The following TMEM266 variants were observed in gnomAD, a reference collection of about 807,000 sequenced individuals.
TMEM266 encodes Hv1 related protein 1.
In TMEM266, 33 loss-of-function variants were observed where a neutral mutation model predicts 50.5. That is an observed-to-expected ratio of 0.65 (90% CI 0.50 to 0.87). The LOEUF is 0.87. Among genes scored for constraint, TMEM266 ranks in the 40% least tolerant of loss-of-function variants. TMEM266 has a pLI of 0.00. For missense variants in TMEM266, 655 were observed against 695.1 expected (o/e 0.94, Z 0.65); for synonymous variants, 310 against 292.3 (o/e 1.06, Z -0.62).
intron 9 of TMEM266, 47 bp from the exon 10 acceptor site, chr15:76,202,155 G>A: frequency 6.5e-7 from 1 of 1,527,144 alleles, no homozygotes; most frequent in Non-Finnish European, 9.0e-7. Flanking sequence ...ATAAGGGGTA[G>A]AGAATGAACT....
intron 9 of TMEM266, among the ~76,000 whole-genome samples, chr15:76,195,043 C>T (rs2038634497): frequency 6.6e-6 from 1 of 152,138 alleles, no homozygotes; most frequent in Admixed American, 6.6e-5. Flanking sequence ...ACCTTTAGTT[C>T]TGTAAATGTT....
chr15:76,084,189 C>G (rs1317245135), intron 1 of TMEM266, among the ~76,000 whole-genome samples: 3 of 152,074 alleles, frequency 2.0e-5, no homozygotes, highest in Non-Finnish European at 4.4e-5. Flanking sequence ...TGATACATGC[C>G]TATAGTCCCA....
rs779577432 is a variant in TMEM266, at chr15:76,137,703, C to A, written c.39-4C>A. On this transcript the variant is annotated splice_polypyrimidine_tract_variant and splice_region_variant and intron_variant, in intron 2 of 10. Coordinates refer to ENST00000388942, the MANE Select transcript of TMEM266 (RefSeq NM_152335.3). ...TTTCCCATTGTTCCTCCTCTCCAAC[C>A]CAGGCCTGCCATAGAAGGAGGAATT... 2.5e-6 allele frequency: 4 copies of A among 1,613,900 alleles called. No homozygotes were observed. The highest frequency in any genetic ancestry group is 2.2e-5 in the South Asian group (2 of 91,072).
At chr15:76,182,293 A>G (rs920449041) in intron 8 of TMEM266, among the ~76,000 whole-genome samples, 14 of 152,034 alleles carry the variant, frequency 9.2e-5, no homozygotes, top group African/African-American at 2.7e-4. Flanking sequence ...TGTGGATGCC[A>G]TATGCATCAA....
chr15:76,087,350 G>C (rs534891381), intron 1 of TMEM266, among the ~76,000 whole-genome samples: 1 of 152,284 alleles, frequency 6.6e-6, no homozygotes, highest in East Asian at 1.9e-4. Context: ...GAATTGATAA[G>C]GCTTAAGTGA....
chr15:76,124,281 G>A (rs1382794323), intron 1 of TMEM266, among the ~76,000 whole-genome samples: 1 of 152,226 alleles, frequency 6.6e-6, no homozygotes, highest in Admixed American at 6.5e-5. Flanking sequence ...CAACCACAGG[G>A]AAACAAGCAT....
chr15:76,179,233 T>A (rs1354016530), intron 8 of TMEM266, among the ~76,000 whole-genome samples: 2 of 152,202 alleles, frequency 1.3e-5, no homozygotes, highest in Non-Finnish European at 2.9e-5. Context: ...ATGGGACATC[T>A]ATGGGCCTTG....
intron 1 of TMEM266, among the ~76,000 whole-genome samples, chr15:76,091,961 A>T (rs1470392425): frequency 1.3e-5 from 2 of 151,948 alleles, no homozygotes; most frequent in Non-Finnish European, 2.9e-5. Flanking sequence ...ACTGCACTAC[A>T]GCCTGGCAAC....
intron 1 of TMEM266, among the ~76,000 whole-genome samples, chr15:76,068,611 T>C (rs957562312): frequency 2.6e-5 from 4 of 152,126 alleles, no homozygotes; most frequent in African/African-American, 9.7e-5. Flanking sequence ...TGTACCCTTA[T>C]AAAAAGAGGA....
At chr15:76,185,276 T>G (rs2038476628) in intron 8 of TMEM266, among the ~76,000 whole-genome samples, 1 of 152,190 alleles carries the variant, frequency 6.6e-6, no homozygotes, top group African/African-American at 2.4e-5. Flanking sequence ...TGTCTCACGT[T>G]TCTCTTAGAT....
chr15:76,142,405 T>C (rs888120707), intron 3 of TMEM266, among the ~76,000 whole-genome samples: 1 of 152,092 alleles, frequency 6.6e-6, no homozygotes, highest in Non-Finnish European at 1.5e-5. Flanking sequence ...ATAATAATAA[T>C]AATAATACCC....
In TMEM266 at chr15:76,097,604, G is replaced by A. The variant is rs4886476; in HGVS notation, c.-96-36564G>A. Among the ~76,000 whole-genome samples, 1,240 of 151,948 alleles carry A rather than the reference G, an allele frequency of 8.2e-3. 41 individuals are homozygous for A. Among genetic ancestry groups the A allele is most frequent in the Admixed American group, 0.063 (954 of 15,258 alleles). On this transcript the variant is annotated intron_variant, in intron 1 of 10. Transcript: ENST00000388942. Reference sequence around the variant, plus strand: ...GTTGCTCTTCTTGAGGAGTATCTTTGTGGTGTTCTCTGTATTTCCTGAATT... The same window carrying A: ...GTTGCTCTTCTTGAGGAGTATCTTTATGGTGTTCTCTGTATTTCCTGAATT...
At chr15:76,089,875 T>C (rs528464286) in intron 1 of TMEM266, among the ~76,000 whole-genome samples, 2 of 152,230 alleles carry the variant, frequency 1.3e-5, no homozygotes, top group Non-Finnish European at 2.9e-5. Flanking sequence ...TGAGAGGATT[T>C]GGCAACTGGT....
At chr15:76,081,395 C>T (rs1194492361) in intron 1 of TMEM266, among the ~76,000 whole-genome samples, 1 of 152,122 alleles carries the variant, frequency 6.6e-6, no homozygotes, top group Non-Finnish European at 1.5e-5. Flanking sequence ...CATAGGAGAC[C>T]CTGGAGGTCA....
chr15:76,079,518 G>C (rs1276763012), intron 1 of TMEM266, among the ~76,000 whole-genome samples: 1 of 149,942 alleles, frequency 6.7e-6, no homozygotes, highest in East Asian at 2.0e-4. Context: ...GGCTGGGCAT[G>C]GTGGCTCACG....
chr15:76,067,928 C>G (rs1022128718), intron 1 of TMEM266, among the ~76,000 whole-genome samples: 5 of 152,158 alleles, frequency 3.3e-5, no homozygotes, highest in African/African-American at 1.2e-4. Flanking sequence ...GGCCAGCTCT[C>G]CCCACCAGAG....
chr15:76,169,933 C>CA, intron 6 of TMEM266, 61 bp downstream of exon 6: 1 of 1,543,656 alleles, frequency 6.5e-7, no homozygotes, highest in Non-Finnish European at 8.9e-7. Flanking sequence ...TGGAAAACGT[C>CA]ATGTCCCATC....
intron 1 of TMEM266, among the ~76,000 whole-genome samples, chr15:76,076,185 C>T (rs910147028): frequency 2.0e-5 from 3 of 151,896 alleles, no homozygotes; most frequent in Non-Finnish European, 2.9e-5. Context: ...AGCCTTCTAA[C>T]GTTCCATCCT....
At chr15:76,065,180 T>A (rs2036390167) in intron 1 of TMEM266, among the ~76,000 whole-genome samples, 1 of 152,162 alleles carries the variant, frequency 6.6e-6, no homozygotes, top group Non-Finnish European at 1.5e-5. Flanking sequence ...AAAAGTTCCA[T>A]TGTTTTGGGA....
Sources: allele counts gnomAD v4.1 joint callset (sites outside exome capture counted in the v4.1 genomes callset), GRCh38; gene constraint gnomAD v4.1.1; transcripts MANE v1.5; gene names NCBI Gene and HGNC (gene_info 2026-07-23, HGNC 2026-07-21).